The following ALK variants were observed in gnomAD, a reference collection of about 807,000 sequenced individuals.
The protein encoded by ALK is ALK receptor tyrosine kinase, also known as ALK tyrosine kinase receptor.
ALK carries 74 observed loss-of-function variants against 163.1 expected under a neutral mutation model. The ratio of observed to expected loss-of-function variants is 0.45; its 90% CI spans 0.38 to 0.55. ALK has a LOEUF of 0.55. Among genes scored for constraint, ALK ranks in the 20% least tolerant of loss-of-function variants. ALK has a pLI of 0.00. For missense variants in ALK, 2,063 were observed against 2,105.3 expected, an observed-to-expected ratio of 0.98 and a Z score of 0.39; for synonymous variants, 960 against 843.2, an observed-to-expected ratio of 1.14 and a Z score of -2.40.
rs186486702 is a variant in ALK at position 29,860,539 on chromosome 2, G to A, written c.667+59454C>T. 4.3e-3 allele frequency among the ~76,000 whole-genome samples: 651 copies of A among 152,226 alleles called. 3 individuals are homozygous for A. The highest frequency in any genetic ancestry group is 0.011 in the Admixed American group (168 of 15,288). On this transcript the variant is annotated intron_variant, in intron 1 of 28. Transcript: ENST00000389048. ...GACTTTAGACCAAATGGATCTAACA[G>A]ACATACACAGAATATTCCACCTAAC...
chr2:29,209,264 G>C (rs1038085771), intron 25 of ALK, among the ~76,000 whole-genome samples: 11 of 152,132 alleles, frequency 7.2e-5, no homozygotes, highest in African/African-American at 2.4e-4. Flanking sequence ...GTGTTGGCTG[G>C]GCATGGAGGC....
At chr2:29,332,262 G>T (rs921171918) in intron 5 of ALK, among the ~76,000 whole-genome samples, 1 of 109,986 alleles carries the variant, frequency 9.1e-6, no homozygotes, top group African/African-American at 3.5e-5. Context: ...CTCCAGCCTA[G>T]GAGACAGAGT....
rs1672346956 is a variant in ALK at position 29,507,062 on chromosome 2, G to T, written c.1154+24853C>A. Among the ~76,000 whole-genome samples the T allele has an allele frequency of 2.0e-5, 3 of 152,138 alleles. No homozygotes were observed. In the South Asian group the frequency reaches 6.2e-4, roughly 32 times the overall value. The stretch of plus-strand genomic sequence containing the variant: ...AAAGGGAAAGCAGGGTCTTGAAGAG[G>T]TATTTGCACAACCATGATTATAGCA... On this transcript the variant is annotated intron_variant, in intron 4 of 28. Coordinates refer to ENST00000389048, the MANE Select transcript of ALK (RefSeq NM_004304.5).
chr2:29,630,996 G>A (rs1676354375), intron 3 of ALK, among the ~76,000 whole-genome samples: 3 of 152,258 alleles, frequency 2.0e-5, no homozygotes, highest in South Asian at 2.1e-4. Flanking sequence ...TATGTGCAAC[G>A]TATTCAAATA....
intron 3 of ALK, among the ~76,000 whole-genome samples, chr2:29,617,086 G>T (rs1033944911): frequency 6.6e-6 from 1 of 152,110 alleles, no homozygotes; most frequent in African/African-American, 2.4e-5. Flanking sequence ...TCTTTGAAAA[G>T]AAAGCACCTT....
chr2:29,645,562 A>G, intron 3 of ALK, among the ~76,000 whole-genome samples: 1 of 152,138 alleles, frequency 6.6e-6, no homozygotes, highest in Non-Finnish European at 1.5e-5. Flanking sequence ...TCGCTTTACA[A>G]ATGAGAAGAC....
chr2:29,834,680 G>C (rs1665511744), intron 1 of ALK, among the ~76,000 whole-genome samples: 1 of 152,130 alleles, frequency 6.6e-6, no homozygotes. Context: ...ATAGAGAGGG[G>C]AGATCACAAA....
intron 3 of ALK, among the ~76,000 whole-genome samples, chr2:29,656,541 G>A (rs1301888637): frequency 6.6e-6 from 1 of 152,124 alleles, no homozygotes; most frequent in African/African-American, 2.4e-5. Flanking sequence ...TAGTTACAAT[G>A]CACAGGCATT....
chr2:29,646,140 A>C (rs916809341), intron 3 of ALK, among the ~76,000 whole-genome samples: 2 of 152,084 alleles, frequency 1.3e-5, no homozygotes, highest in African/African-American at 4.8e-5. Flanking sequence ...TTAGAACCTA[A>C]ATTCATGAGT....
chr2:29,532,143 T>A (rs201521397), intron 3 of ALK, 27 bp from the exon 4 acceptor site: 1 of 1,607,538 alleles, frequency 6.2e-7, no homozygotes, highest in East Asian at 2.2e-5. Flanking sequence ...AAAACGAATC[T>A]GCAGATGTGT....
At chr2:29,577,511 G>C (rs1005776429) in intron 3 of ALK, among the ~76,000 whole-genome samples, 1 of 152,126 alleles carries the variant, frequency 6.6e-6, no homozygotes, top group Non-Finnish European at 1.5e-5. Flanking sequence ...GAAGGGATGG[G>C]ACCGGTAAGT....
At chr2:29,216,583 C>T (rs553247790) in intron 23 of ALK, among the ~76,000 whole-genome samples, 6 of 152,070 alleles carry the variant, frequency 3.9e-5, no homozygotes, top group South Asian at 2.1e-4. Context: ...AGTCAGCAAG[C>T]GTGGGTTATG....
chr2:29,538,026 G>T (rs533716143), intron 3 of ALK, among the ~76,000 whole-genome samples: 2 of 152,338 alleles, frequency 1.3e-5, no homozygotes, highest in South Asian at 4.1e-4. Flanking sequence ...TCGTATCTTA[G>T]AAGTAAATTA....
In ALK at chr2:29,591,070, C is replaced by CAAAAAA. The variant is rs35070273; in HGVS notation, c.953-58960_953-58955dup. 1.5e-4 allele frequency among the ~76,000 whole-genome samples: 7 copies of CAAAAAA among 46,916 alleles called. 1 individual carries two copies. Among genetic ancestry groups the CAAAAAA allele is most frequent in the East Asian group, 8.2e-4 (1 of 1,218 alleles). 30.8% of individuals were successfully genotyped at this position (46,916 alleles called of 152,430 possible). A position where few individuals can be genotyped will look rare whatever the true frequency, so the allele number is the denominator to read the frequency against. On this transcript the variant is annotated intron_variant, in intron 3 of 28. Coordinates refer to ENST00000389048, the MANE Select transcript of ALK (RefSeq NM_004304.5). ...TGGGAGACACAGCGAGACTCCGTCT[C>CAAAAAA]AAAAAAAAAAAAAAAAAAAAAAAAA...
At chr2:29,456,438 G>A (rs1254143501) in intron 4 of ALK, among the ~76,000 whole-genome samples, 1 of 152,144 alleles carries the variant, frequency 6.6e-6, no homozygotes, top group Non-Finnish European at 1.5e-5. Flanking sequence ...TTTAAGACAT[G>A]AGAAGTGAAA....
At chr2:29,258,269 A>G (rs1665000181) in intron 11 of ALK, among the ~76,000 whole-genome samples, 1 of 152,208 alleles carries the variant, frequency 6.6e-6, no homozygotes, top group Non-Finnish European at 1.5e-5. Flanking sequence ...TCCTTTTGCA[A>G]GACTACAGGT....
chr2:29,677,130 TTCCC>T (rs1326456154), intron 3 of ALK, among the ~76,000 whole-genome samples: 3 of 151,690 alleles, frequency 2.0e-5, no homozygotes, highest in Admixed American at 6.6e-5. Flanking sequence ...ATGTTTTTAG[TTCCC>T]TCCCTCCCTA....
At chr2:29,483,198 G>A (rs1671703832) in intron 4 of ALK, among the ~76,000 whole-genome samples, 1 of 152,196 alleles carries the variant, frequency 6.6e-6, no homozygotes, top group African/African-American at 2.4e-5. Context: ...GTTCTCTTAG[G>A]TACGAAATGA....
Position 29,743,644 on chromosome 2 carries a change from A to G in ALK, c.668-25947T>C, listed in dbSNP as rs1680123967. 3.3e-5 allele frequency among the ~76,000 whole-genome samples: 5 copies of G among 152,218 alleles called. No homozygotes were observed. In the South Asian group the frequency reaches 8.3e-4, roughly 25 times the overall value. On this transcript the variant is annotated intron_variant, in intron 1 of 28. Transcript: ENST00000389048. ...TTAAATTGATTTTAAATCCCTCTTC[A>G]GAAGAAACTGAAATGATAAAACACA...
Sources: allele counts gnomAD v4.1 joint callset (sites outside exome capture counted in the v4.1 genomes callset), GRCh38; gene constraint gnomAD v4.1.1; transcripts MANE v1.5; gene names NCBI Gene and HGNC (gene_info 2026-07-23, HGNC 2026-07-21).